Variants in SERPINB3 observed in about 807,000 individuals in gnomAD.
The protein encoded by SERPINB3 is serpin B3.
SERPINB3 carries 33 observed loss-of-function variants against 33.0 expected under a neutral mutation model. That is an observed-to-expected ratio of 1.00 (90% CI 0.76 to 1.34). The LOEUF is 1.34. Ranked by LOEUF, SERPINB3 falls within the 40% of genes most tolerant of loss-of-function variation. The probability of loss-of-function intolerance (pLI) is 0.00; values close to 1 mark genes in which losing one functional copy is unlikely to be tolerated. For synonymous variants in SERPINB3, 200 were observed against 170.9 expected (o/e 1.17, Z -1.33); for missense variants, 518 against 461.5 (o/e 1.12, Z -1.12).
At chr18:63,659,556 A>C in intron 3 of SERPINB3, 29 bp from the exon 4 acceptor site, 2 of 1,613,220 alleles carry the variant, frequency 1.2e-6, no homozygotes, top group Non-Finnish European at 1.7e-6. Context: ...GAGATCATTC[A>C]ATTGCTGTAT....
At chr18:63,660,949 C>A in intron 2 of SERPINB3, 93 bp from the exon 3 acceptor site, 10 of 1,609,954 alleles carry the variant, frequency 6.2e-6, no homozygotes, top group Non-Finnish European at 5.9e-6. Context: ...TGCTCAGCCC[C>A]CTGTGCTACC....
intron 7 of SERPINB3, 32 bp from the exon 8 acceptor site, chr18:63,656,093 C>A (rs762615449): frequency 1.3e-6 from 2 of 1,598,150 alleles, no homozygotes; most frequent in Middle Eastern, 1.7e-4. Flanking sequence ...ACTGATATGA[C>A]TAACTGTTGA....
rs781539008 is a variant in SERPINB3, at chr18:63,655,808, G to T, written c.1022C>A (p.Ala341Glu). 7.4e-6 allele frequency: 12 copies of T among 1,613,766 alleles called. 1 individual carries two copies. The highest frequency in any genetic ancestry group is 5.5e-5 in the South Asian group (5 of 91,068). Residue 341 changes from alanine (A) to glutamate (E), a missense_variant, in exon 8 of 8, where the codon GCA becomes GAA. Physicochemically the swap from Ala to Glu is moderately radical, Grantham distance 107. Coordinates refer to ENST00000283752, the MANE Select transcript of SERPINB3 (RefSeq NM_006919.3). ...KAFVEVTEEG[A>E]EAAAATAVVG... ...TACAGCGGTGGCAGCTGCAGCTTCT[G>T]CTCCCTCCTCTGTAACCTCCACAAA...
rs146315961 is a variant in SERPINB3, at chr18:63,659,523, T to C, written c.227A>G (p.Asp76Gly). ...TTGKAATYHVDRSGNVHHQFQ... is the reference protein window; with the variant it reads ...TTGKAATYHVGRSGNVHHQFQ... ...CTGGTGATGAACATTTCCTGACCTA[T>C]CAACCTTCAAACATCAAAAAAGGAG... is the stretch of plus-strand genomic sequence containing the variant. The change falls in exon 4 of 8, where the codon GAT (aspartate) becomes GGT (glycine). Residue 76 changes from aspartate to glycine, a missense_variant. Asp to Gly is a moderately conservative substitution (Grantham distance 94). Coordinates refer to ENST00000283752, the MANE Select transcript of SERPINB3 (RefSeq NM_006919.3). 486 of 1,613,536 alleles carry C rather than the reference T, an allele frequency of 3.0e-4. 3 individuals carry two copies. In the African/African-American group the frequency reaches 6.2e-3, roughly 21 times the overall value.
rs181155937 is a variant in SERPINB3 at position 63,656,556 on chromosome 18, A to G, written c.768+275T>C. Among the ~76,000 whole-genome samples the G allele has an allele frequency of 4.8e-4, 73 of 152,236 alleles. No individual in the cohort carries two copies. The Middle Eastern group carries it at 0.01, about 21-fold the overall frequency. ...GTAAACTTTCCTCACATTGCTATAT[A>G]TTTCTCCCAGTCAAGTTTAAATTGC... is the stretch of plus-strand genomic sequence containing the variant. On this transcript the variant is annotated intron_variant, in intron 7 of 7. Transcript: ENST00000283752.
In SERPINB3 at chr18:63,656,716, A is replaced by T. The variant is rs1401006751; in HGVS notation, c.768+115T>A. 3.2e-6 allele frequency: 4 copies of T among 1,259,910 alleles called. No individual in the cohort carries two copies. In the Admixed American group the frequency reaches 9.2e-5, roughly 29 times the overall value. 78.0% of individuals were successfully genotyped at this position (1,259,910 alleles called of 1,614,324 possible). A position where few individuals can be genotyped will look rare whatever the true frequency, so the allele number is the denominator to read the frequency against. On this transcript the variant is annotated intron_variant, in intron 7 of 7. Transcript: ENST00000283752. Reference sequence around the variant, plus strand: ...GAAGGTGAGTCATCATTCCTCATTTAGAATTTTTCATTATTTTGAGGCAAC... The same window carrying T: ...GAAGGTGAGTCATCATTCCTCATTTTGAATTTTTCATTATTTTGAGGCAAC...
At chr18:63,659,933 C>T (rs1231745590) in intron 3 of SERPINB3, among the ~76,000 whole-genome samples, 1 of 152,102 alleles carries the variant, frequency 6.6e-6, no homozygotes, top group Non-Finnish European at 1.5e-5. Context: ...TAGATTATGC[C>T]AGGAAGCCCT....
intron 3 of SERPINB3, 151 bp from the exon 4 acceptor site, chr18:63,659,678 A>G: frequency 1.9e-6 from 2 of 1,062,512 alleles, no homozygotes; most frequent in Non-Finnish European, 2.7e-6. Flanking sequence ...TTCACCTCAA[A>G]TACCCTTCAA....
Position 63,661,050 on chromosome 18 carries a change from A to T in SERPINB3, c.165+2T>A, listed in dbSNP as rs2144498214. The T allele has an allele frequency of 3.1e-6, 5 of 1,613,484 alleles. No homozygotes were observed. The highest frequency in any genetic ancestry group is 4.2e-6 in the Non-Finnish European group (5 of 1,179,610). On this transcript the variant is annotated splice_donor_variant, in intron 2 of 7. Coordinates refer to ENST00000283752, the MANE Select transcript of SERPINB3 (RefSeq NM_006919.3). LOFTEE classifies it high-confidence loss of function. ...GGACAACATAATGATGCTGATAGCT[A>T]CCTTCTTAATCTGTTGTGCAGTGTT...
chr18:63,657,242 C>T, intron 6 of SERPINB3, 28 bp downstream of exon 6: 2 of 1,202,116 alleles, frequency 1.7e-6, no homozygotes, highest in Non-Finnish European at 2.4e-6. Flanking sequence ...TAACATATTA[C>T]ATTATATAAA....
chr18:63,659,355 A>T, intron 4 of SERPINB3, 44 bp downstream of exon 4: 5 of 1,593,184 alleles, frequency 3.1e-6, no homozygotes, highest in Non-Finnish European at 4.3e-6. Flanking sequence ...AGAGACACAG[A>T]CATCAGGATG....
rs1344324084 is a variant in SERPINB3 at position 63,655,648 on chromosome 18, T to C, written c.*9A>G. On this transcript the variant is annotated 3_prime_UTR_variant, in exon 8 of 8. Transcript: ENST00000283752. ...ACATTTTCCAAATGGAGTGACAGACTAATTGCATCTACGGGGATGAGAATC... is the reference window on the plus strand; with the variant it reads ...ACATTTTCCAAATGGAGTGACAGACCAATTGCATCTACGGGGATGAGAATC... 6.3e-7 allele frequency: 1 copy of C among 1,590,958 alleles called. No individual in the cohort carries two copies. The highest frequency in any genetic ancestry group is 8.6e-7 in the Non-Finnish European group (1 of 1,165,870).
intron 1 of SERPINB3, among the ~76,000 whole-genome samples, chr18:63,661,566 A>T (rs2144499009): frequency 6.6e-6 from 1 of 152,096 alleles, no homozygotes; most frequent in South Asian, 2.1e-4. Flanking sequence ...TGTGGATCAC[A>T]TCCAACCAGC....
chr18:63,655,832 A>G lies in SERPINB3; in HGVS notation c.998T>C (p.Phe333Ser), dbSNP rs376412536. 2.0e-5 allele frequency: 32 copies of G among 1,613,790 alleles called. No homozygotes were observed. Among genetic ancestry groups the G allele is most frequent in the Non-Finnish European group, 2.5e-5 (29 of 1,179,924 alleles). The change falls in exon 8 of 8, where the codon TTT (phenylalanine) becomes TCT (serine). Residue 333 changes from phenylalanine to serine, a missense_variant. Coordinates refer to ENST00000283752, the MANE Select transcript of SERPINB3 (RefSeq NM_006919.3). ...TGCTCCCTCCTCTGTAACCTCCACA[A>G]AGGCCTTGTGTAGGACTCCAGATAG... is the stretch of plus-strand genomic sequence containing the variant. ...LVLSGVLHKA[F>S]VEVTEEGAEA...
intron 4 of SERPINB3, among the ~76,000 whole-genome samples, chr18:63,659,149 C>G (rs1913573606): frequency 6.6e-6 from 1 of 152,126 alleles, no homozygotes; most frequent in South Asian, 2.1e-4. Context: ...ACTTATTACT[C>G]TTACTCACTC....
At position 63,655,662 on chromosome 18, in the gene SERPINB3, G is replaced by C. The variant is rs1913471618; in HGVS notation, c.1168C>G (p.Pro390Ala). The change falls in exon 8 of 8, where the codon CCG (proline) becomes GCG (alanine). Residue 390 changes from proline (P) to alanine (A), a missense_variant. Pro to Ala is a conservative substitution (Grantham distance 27). Coordinates refer to ENST00000283752, the MANE Select transcript of SERPINB3 (RefSeq NM_006919.3). ...GAGTGACAGACTAATTGCATCTACG[G>C]GGATGAGAATCTGCCATAGAAGAGG... Reference protein sequence around the residue: ...SILFYGRFSSP With the variant: ...SILFYGRFSSA The C allele has an allele frequency of 6.2e-7, 1 of 1,604,808 alleles. No homozygotes were observed. Among genetic ancestry groups the C allele is most frequent in the African/African-American group, 1.3e-5 (1 of 74,638 alleles).
At chr18:63,657,574 T>C (rs901111973) in intron 5 of SERPINB3, among the ~76,000 whole-genome samples, 162 bp from the exon 6 acceptor site, 5 of 152,134 alleles carry the variant, frequency 3.3e-5, no homozygotes, top group African/African-American at 1.2e-4. Flanking sequence ...TGACCAGTGG[T>C]TCACCAGATG....
Position 63,658,631 on chromosome 18 carries a change from C to T in SERPINB3, c.352-1G>A, listed in dbSNP as rs150645577. The T allele has an allele frequency of 4.4e-6, 7 of 1,603,594 alleles. No individual in the cohort carries two copies. Among genetic ancestry groups the T allele is most frequent in the East Asian group, 2.2e-5 (1 of 44,800 alleles). ...ATTTCTTGATGGCATCTAAATATTC[C>T]TTTGAGATATGAAGGAAGAAAGTAG... On this transcript the variant is annotated splice_acceptor_variant, in intron 4 of 7. Transcript: ENST00000283752. LOFTEE classifies it high-confidence loss of function.
chr18:63,658,184 A>G (rs896617572), intron 5 of SERPINB3, among the ~76,000 whole-genome samples: 5 of 152,208 alleles, frequency 3.3e-5, no homozygotes, highest in African/African-American at 1.2e-4. Flanking sequence ...ATTCATCATA[A>G]AATATTGGTT....
Sources: allele counts gnomAD v4.1 joint callset (sites outside exome capture counted in the v4.1 genomes callset), GRCh38; gene constraint gnomAD v4.1.1; transcripts MANE v1.5; gene names NCBI Gene and HGNC (gene_info 2026-07-23, HGNC 2026-07-21).